ZMYM4: variants seen among roughly 807,000 people sequenced by gnomAD.
The protein encoded by ZMYM4 is zinc finger MYM-type protein 4.
Under a neutral mutation model 183.2 loss-of-function variants are expected in ZMYM4, and 31 were observed. The ratio of observed to expected loss-of-function variants is 0.17; its 90% CI spans 0.13 to 0.23. ZMYM4 has a LOEUF of 0.23. Among genes scored for constraint, ZMYM4 ranks in the 10% least tolerant of loss-of-function variants. The probability of loss-of-function intolerance (pLI) is 1.00; values close to 1 mark genes in which losing one functional copy is unlikely to be tolerated. For missense variants in ZMYM4, 1,273 were observed against 1,840.3 expected, an observed-to-expected ratio of 0.69 and a Z score of 5.64; for synonymous variants, 592 against 631.2, an observed-to-expected ratio of 0.94 and a Z score of 0.93.
chr1:35,286,798 T>A (rs890542919), intron 1 of ZMYM4, among the ~76,000 whole-genome samples: 3 of 105,514 alleles, frequency 2.8e-5, no homozygotes, highest in African/African-American at 1.3e-4. Context: ...TTTTTTTTTT[T>A]TTTTTTTTTT....
At chr1:35,399,694 T>C in intron 23 of ZMYM4, 118 bp downstream of exon 23, 3 of 1,013,116 alleles carry the variant, frequency 3.0e-6, no homozygotes, top group Admixed American at 2.8e-5. Context: ...ACATGTTGTT[T>C]TGCAACTTTT....
intron 2 of ZMYM4, among the ~76,000 whole-genome samples, chr1:35,342,696 G>A (rs1449394956): frequency 1.3e-5 from 2 of 151,680 alleles, no homozygotes; most frequent in African/African-American, 2.4e-5. Flanking sequence ...GTTGAGACAG[G>A]GTCTCAGTCA....
At chr1:35,397,098 ACAAG>A (rs1424482679) in intron 19 of ZMYM4, 12 of 1,062,582 alleles carry the variant, frequency 1.1e-5, no homozygotes. Flanking sequence ...TGTGAGAAAT[ACAAG>A]CAAAAACAAC....
At chr1:35,302,379 T>A (rs1431125286) in intron 1 of ZMYM4, among the ~76,000 whole-genome samples, 2 of 111,960 alleles carry the variant, frequency 1.8e-5, no homozygotes, top group Non-Finnish European at 1.8e-5. Context: ...CTAATTTGAC[T>A]TTTTTTTTTT....
chr1:35,290,458 C>T (rs1438680375), intron 1 of ZMYM4, among the ~76,000 whole-genome samples: 2 of 151,266 alleles, frequency 1.3e-5, no homozygotes, highest in Non-Finnish European at 2.9e-5. Context: ...TTTTTAGAGA[C>T]GGGATCCGGC....
At chr1:35,326,993 G>A (rs1642530877) in intron 2 of ZMYM4, among the ~76,000 whole-genome samples, 1 of 152,092 alleles carries the variant, frequency 6.6e-6, no homozygotes, top group African/African-American at 2.4e-5. Context: ...CTGAGTCACT[G>A]GGACTACAGG....
chr1:35,387,573 C>A lies in ZMYM4; in HGVS notation c.2232C>A (p.Phe744Leu). The A allele has an allele frequency of 6.2e-7, 1 of 1,613,184 alleles. No individual in the cohort carries two copies. Among genetic ancestry groups the A allele is most frequent in the South Asian group, 1.1e-5 (1 of 90,796 alleles). Reference sequence around the variant, plus strand: ...AAATTGTAAAGGAGACTGTTCGGTTCTCAGGTGCTGACAAGTCATTCTGTA... The same window carrying A: ...AAATTGTAAAGGAGACTGTTCGGTTATCAGGTGCTGACAAGTCATTCTGTA... Reference protein sequence around the residue: ...IEKIVKETVRFSGADKSFCSE... With the variant: ...IEKIVKETVRLSGADKSFCSE... Residue 744 changes from phenylalanine to leucine, a missense_variant, in exon 13 of 30, where the codon TTC becomes TTA. This residue lies in a region of ZMYM4 where 319 missense variants were observed against 518.1 expected (regional missense o/e 0.62). Coordinates refer to ENST00000314607, the MANE Select transcript of ZMYM4 (RefSeq NM_005095.3).
intron 1 of ZMYM4, among the ~76,000 whole-genome samples, chr1:35,274,570 C>T (rs1032618404): frequency 2.0e-5 from 3 of 147,420 alleles, no homozygotes; most frequent in Non-Finnish European, 3.0e-5. Flanking sequence ...TGTGCCACTG[C>T]ACTTTAGCCT....
chr1:35,325,975 T>C lies in ZMYM4; in HGVS notation c.85+570T>C, dbSNP rs186615447. Among the ~76,000 whole-genome samples the C allele has an allele frequency of 1.2e-3, 184 of 152,294 alleles. 1 individual carries two copies. Among genetic ancestry groups the C allele is most frequent in the Non-Finnish European group, 1.9e-3 (129 of 68,006 alleles). On this transcript the variant is annotated intron_variant, in intron 2 of 29. Transcript: ENST00000314607. ...TGTGTAGGAATCATAGATACTGTTC[T>C]TGCTTTTTTTCATTCAACTGCGTAG...
chr1:35,391,606 T>C (rs1292363658), intron 15 of ZMYM4, among the ~76,000 whole-genome samples: 1 of 152,224 alleles, frequency 6.6e-6, no homozygotes, highest in Non-Finnish European at 1.5e-5. Context: ...AATTGTCCAT[T>C]AAATCTAACC....
chr1:35,411,356 T>C (rs1377384118), intron 26 of ZMYM4, among the ~76,000 whole-genome samples: 6 of 151,658 alleles, frequency 4.0e-5, no homozygotes, highest in East Asian at 1.9e-4. Flanking sequence ...AGGGTTTCAC[T>C]GTGTTAGCCA....
Position 35,420,020 on chromosome 1 carries a change from C to A in ZMYM4, c.*343C>A. On this transcript the variant is annotated 3_prime_UTR_variant, in exon 30 of 30. Transcript: ENST00000314607. ...AAACTTTACCATAGTAACCTTAGAC[C>A]TTAGAGAGGTAGCTTTGGAGTGAAA... 3.2e-6 allele frequency: 1 copy of A among 311,592 alleles called. No individual in the cohort carries two copies. Among genetic ancestry groups the A allele is most frequent in the Non-Finnish European group, 6.2e-6 (1 of 160,780 alleles). 19.3% of individuals were successfully genotyped at this position (311,592 alleles called of 1,614,324 possible).
chr1:35,417,968 G>A (rs941183907), intron 28 of ZMYM4, among the ~76,000 whole-genome samples: 11 of 151,698 alleles, frequency 7.3e-5, no homozygotes, highest in African/African-American at 1.5e-4. Flanking sequence ...AGATTTCGCC[G>A]TTGCACTCCG....
At chr1:35,325,773 T>A (rs1388516997) in intron 2 of ZMYM4, among the ~76,000 whole-genome samples, 1 of 152,124 alleles carries the variant, frequency 6.6e-6, no homozygotes, top group African/African-American at 2.4e-5. Flanking sequence ...TTTTTTATGA[T>A]TATAAAAGTA....
intron 19 of ZMYM4, chr1:35,397,166 A>C (rs1297178030): frequency 9.0e-7 from 1 of 1,115,288 alleles, no homozygotes; most frequent in Non-Finnish European, 1.1e-6. Flanking sequence ...ATTCAGAGAC[A>C]TAATTGGTTG....
intron 17 of ZMYM4, among the ~76,000 whole-genome samples, chr1:35,393,140 A>G (rs977058270): frequency 6.6e-6 from 1 of 152,208 alleles, no homozygotes. Flanking sequence ...TCTGACTGGA[A>G]CAGTGGCATT....
At chr1:35,285,963 T>G (rs754499360) in intron 1 of ZMYM4, among the ~76,000 whole-genome samples, 3 of 152,146 alleles carry the variant, frequency 2.0e-5, no homozygotes, top group African/African-American at 4.8e-5. Context: ...GACTGAGAGA[T>G]TTTATCCTCA....
intron 26 of ZMYM4, among the ~76,000 whole-genome samples, chr1:35,410,456 ATATT>A (rs144213031): frequency 1.1e-4 from 16 of 151,228 alleles, no homozygotes; most frequent in East Asian, 5.9e-4. Flanking sequence ...TGACAAATAT[ATATT>A]TATTTATTTA....
chr1:35,405,666 A>T (rs937391158), intron 25 of ZMYM4, among the ~76,000 whole-genome samples, 198 bp downstream of exon 25: 1 of 152,150 alleles, frequency 6.6e-6, no homozygotes, highest in Non-Finnish European at 1.5e-5. Context: ...ATGCAAATAT[A>T]CAGAATTTTG....
Sources: allele counts gnomAD v4.1 joint callset (sites outside exome capture counted in the v4.1 genomes callset), GRCh38; gene constraint gnomAD v4.1.1; regional missense constraint gnomAD v4.1.1; transcripts MANE v1.5; gene names NCBI Gene and HGNC (gene_info 2026-07-23, HGNC 2026-07-21).